S100A13: variants seen among roughly 807,000 people sequenced by gnomAD.
The protein encoded by S100A13 is protein S100-A13.
S100A13 carries 6 observed loss-of-function variants against 8.2 expected under a neutral mutation model. The observed-to-expected ratio is 0.73, with a 90% CI of 0.40 to 1.44. The LOEUF (loss-of-function observed/expected upper bound fraction) is 1.44, where lower values mean the gene tolerates loss of function less well. Among genes scored for constraint, S100A13 ranks in the 40% most tolerant of loss-of-function variants. S100A13 has a pLI of 0.02. For synonymous variants in S100A13, 39 were observed against 45.9 expected (o/e 0.85, Z 0.61); for missense variants, 114 against 113.6 (o/e 1.00, Z -0.02).
At chr1:153,625,749 G>A (rs1211709181) in intron 2 of S100A13, among the ~76,000 whole-genome samples, 1 of 152,228 alleles carries the variant, frequency 6.6e-6, no homozygotes, top group Non-Finnish European at 1.5e-5. Context: ...AAGGCACAGA[G>A]CATACACAAG....
chr1:153,622,397 A>G (rs1667326764), intron 2 of S100A13, among the ~76,000 whole-genome samples: 1 of 152,226 alleles, frequency 6.6e-6, no homozygotes, highest in Non-Finnish European at 1.5e-5. Context: ...TGAACATGCC[A>G]CTTAACCTAA....
chr1:153,622,006 A>G (rs991566837), intron 2 of S100A13, among the ~76,000 whole-genome samples: 1 of 152,242 alleles, frequency 6.6e-6, no homozygotes, highest in Non-Finnish European at 1.5e-5. Flanking sequence ...GTACACAGGC[A>G]TCGCATGAAG....
At chr1:153,631,673 C>T (rs1668016783), upstream of S100A13, 3 of 1,614,054 alleles carry the variant, frequency 1.9e-6, no homozygotes, top group East Asian at 2.2e-5. Flanking sequence ...CTATACACCT[C>T]CCTCTTCCTC....
chr1:153,630,435 G>A (rs1667937850), upstream of S100A13: 11 of 1,559,682 alleles, frequency 7.1e-6, no homozygotes, highest in Non-Finnish European at 9.6e-6. Context: ...GGCCAGTCCT[G>A]AGGGTTCCCC....
chr1:153,624,353 A>G (rs1294751218), intron 2 of S100A13, among the ~76,000 whole-genome samples: 1 of 152,194 alleles, frequency 6.6e-6, no homozygotes, highest in African/African-American at 2.4e-5. Context: ...TAACAACAGA[A>G]GCAGTGATGA....
chr1:153,631,797 G>C, upstream of S100A13: 1 of 1,614,164 alleles, frequency 6.2e-7, no homozygotes. Context: ...GCTTGTGGCT[G>C]CTCTCACAGT....
At chr1:153,628,682 C>G, upstream of S100A13, 1 of 1,006,804 alleles carries the variant, frequency 9.9e-7, no homozygotes, top group Non-Finnish European at 1.4e-6. Context: ...TGATGAGAGA[C>G]AAATGAACTG....
At chr1:153,630,559 T>A (rs1229412630), upstream of S100A13, 1 of 1,614,216 alleles carries the variant, frequency 6.2e-7, no homozygotes, top group Non-Finnish European at 8.5e-7. Context: ...GAGACCCTCA[T>A]CAACGTGTTC....
intron 1 of S100A13, chr1:153,626,806 C>T (rs1667669128): frequency 4.7e-6 from 1 of 211,612 alleles, no homozygotes; most frequent in Non-Finnish European, 9.6e-6. Flanking sequence ...CTTAGGGACC[C>T]CTCTGTGGTG....
At chr1:153,632,018 A>C, upstream of S100A13, 1 of 652,854 alleles carries the variant, frequency 1.5e-6, no homozygotes, top group Non-Finnish European at 2.5e-6. Context: ...TCTTTCATTA[A>C]AGGCTTCTCT....
upstream of S100A13, chr1:153,627,832 A>T (rs1273954178): frequency 1.7e-6 from 1 of 574,924 alleles, no homozygotes; most frequent in East Asian, 3.0e-5. Flanking sequence ...GGAGGCAACC[A>T]ATCAAGGGAG....
chr1:153,621,291 G>A (rs1667229586), intron 2 of S100A13, among the ~76,000 whole-genome samples: 6 of 151,266 alleles, frequency 4.0e-5, no homozygotes, highest in Admixed American at 3.9e-4. Context: ...CGAGGAGCTG[G>A]GATTATAGGC....
intron 2 of S100A13, among the ~76,000 whole-genome samples, chr1:153,624,409 T>G (rs1281601623): frequency 1.3e-5 from 2 of 151,804 alleles, no homozygotes; most frequent in South Asian, 2.1e-4. Flanking sequence ...AGGAGCGCAA[T>G]AAGAAGAATG....
upstream of S100A13, chr1:153,630,734 A>G: frequency 1.3e-6 from 2 of 1,558,458 alleles, no homozygotes; most frequent in Non-Finnish European, 1.8e-6. Flanking sequence ...CCCCCTTGCT[A>G]TCTCCCCACC....
upstream of S100A13, among the ~76,000 whole-genome samples, chr1:153,632,594 G>A (rs528766053): frequency 5.3e-5 from 8 of 152,068 alleles, no homozygotes; most frequent in Non-Finnish European, 7.4e-5. Context: ...TTCAATCAAC[G>A]AACATTTACT....
Position 153,618,993 on chromosome 1 carries a change from G to A in S100A13, c.199C>T (p.Gln67Ter), listed in dbSNP as rs773477364. 50 of 1,613,696 alleles carry A rather than the reference G, an allele frequency of 3.1e-5. No homozygotes were observed. The South Asian group carries it at 5.4e-4, about 17-fold the overall frequency. Residue 67 changes from glutamine to a stop codon, truncating the protein, a stop_gained, in exon 3 of 3, where the codon CAG becomes TAG. Coordinates refer to ENST00000476133, the MANE Select transcript of S100A13 (RefSeq NM_001024211.2). LOFTEE classifies it high-confidence loss of function. ...TCATTGAACTTGAGCTCCGAGTCCT[G>A]ATTCACATCCAAGCTCTTCATCTTC... ...DEKMKSLDVN[Q>*]DSELKFNEYW... is the part of the protein sequence containing the mutation.
At chr1:153,630,724 C>A (rs930598764), upstream of S100A13, 3 of 1,581,410 alleles carry the variant, frequency 1.9e-6, no homozygotes, top group Non-Finnish European at 2.6e-6. Context: ...GGGGTGGACA[C>A]CCCCTTGCTA....
At chr1:153,624,469 A>G (rs556071531) in intron 2 of S100A13, among the ~76,000 whole-genome samples, 1 of 152,194 alleles carries the variant, frequency 6.6e-6, no homozygotes, top group Admixed American at 6.5e-5. Context: ...AGAAAGAAGA[A>G]GAAACTAAAA....
upstream of S100A13, chr1:153,631,737 G>A (rs1668020161): frequency 1.2e-6 from 2 of 1,614,210 alleles, no homozygotes; most frequent in South Asian, 1.1e-5. Flanking sequence ...GGTGATGAAG[G>A]AGCTAGACGA....
Sources: allele counts gnomAD v4.1 joint callset (sites outside exome capture counted in the v4.1 genomes callset), GRCh38; gene constraint gnomAD v4.1.1; transcripts MANE v1.5; gene names NCBI Gene and HGNC (gene_info 2026-07-23, HGNC 2026-07-21).